DDR2: variants seen among roughly 807,000 people sequenced by gnomAD.
DDR2 encodes the protein discoidin domain receptor tyrosine kinase 2, also known as discoidin domain-containing receptor 2.
In DDR2, 27 loss-of-function variants were observed where a neutral mutation model predicts 94.9. The ratio of observed to expected loss-of-function variants is 0.28; its 90% CI spans 0.21 to 0.39. The LOEUF (loss-of-function observed/expected upper bound fraction) is 0.39, where lower values mean the gene tolerates loss of function less well. DDR2 is among the 10% of genes least tolerant of loss of function. DDR2 has a pLI of 1.00. For synonymous variants in DDR2, 382 were observed against 377.2 expected (o/e 1.01, Z -0.15); for missense variants, 783 against 1,076.0 (o/e 0.73, Z 3.81).
At position 162,787,161 on chromosome 1, in the gene DDR2, G is replaced by C. The variant is rs1171305938; in HGVS notation, c.*6915G>C. 1 of 152,070 alleles carries C rather than the reference G, an allele frequency of 6.6e-6. No homozygotes were observed. Among genetic ancestry groups the C allele is most frequent in the African/African-American group, 2.4e-5 (1 of 41,390 alleles). The allele number at this position is 152,070 out of a possible 1,614,324, so 9.4% of individuals were successfully genotyped here. On this transcript the variant is annotated 3_prime_UTR_variant, in exon 18 of 18. Coordinates refer to ENST00000367921, the MANE Select transcript of DDR2 (RefSeq NM_006182.4). ...AGCACATTTTTCAGCATGGGGTATG[G>C]TAGATAAATCACAGGGCCAAGGTTT...
rs1377832377 is a variant in DDR2, at chr1:162,775,808, C to A, written c.2013C>A (p.Pro671=). 6.2e-7 allele frequency: 1 copy of A among 1,614,064 alleles called. No homozygotes were observed. Among genetic ancestry groups the A allele is most frequent in the Non-Finnish European group, 8.5e-7 (1 of 1,179,986 alleles). ...DLNQFLSRHE[P]PNSSSSDVRT... ...ATCAGTTTCTTTCCCGCCACGAGCC[C>A]CCTAATTCTTCCTCCAGCGATGTAC... is the stretch of plus-strand genomic sequence containing the variant. Residue 671 remains proline, a synonymous_variant, in exon 15 of 18, where the codon CCC becomes CCA. Transcript: ENST00000367921.
At chr1:162,691,802 C>T (rs1659972891) in intron 2 of DDR2, among the ~76,000 whole-genome samples, 1 of 152,204 alleles carries the variant, frequency 6.6e-6, no homozygotes, top group African/African-American at 2.4e-5. Flanking sequence ...CCAATATCTA[C>T]TTTTGAAGTT....
At chr1:162,705,741 T>G (rs1660631985) in intron 2 of DDR2, among the ~76,000 whole-genome samples, 1 of 152,196 alleles carries the variant, frequency 6.6e-6, no homozygotes, top group Non-Finnish European at 1.5e-5. Flanking sequence ...GGACTAGAAC[T>G]CAGGCCCAGA....
chr1:162,638,307 C>T (rs1371760723), intron 1 of DDR2, among the ~76,000 whole-genome samples: 1 of 152,234 alleles, frequency 6.6e-6, no homozygotes, highest in Non-Finnish European at 1.5e-5. Flanking sequence ...AGGCATGAGC[C>T]ACTGCGCCCG....
intron 2 of DDR2, among the ~76,000 whole-genome samples, chr1:162,668,227 C>T (rs1658675449): frequency 6.6e-6 from 1 of 152,190 alleles, no homozygotes; most frequent in South Asian, 2.1e-4. Flanking sequence ...ATTGGAAAGC[C>T]ACTGGAAGTA....
rs547232876 is a variant in DDR2 at position 162,749,375 on chromosome 1, C to T, written c.83-3720C>T. Among the ~76,000 whole-genome samples the T allele has an allele frequency of 1.5e-3, 224 of 152,318 alleles. 1 individual carries two copies. Among genetic ancestry groups the T allele is most frequent in the African/African-American group, 5.2e-3 (215 of 41,562 alleles). ...AACTATCATCAGAGAATACTATAAA[C>T]ACCTCTATGCAAATAAACTAGAAAA... On this transcript the variant is annotated intron_variant, in intron 3 of 17. Transcript: ENST00000367921.
intron 16 of DDR2, among the ~76,000 whole-genome samples, chr1:162,777,229 T>G (rs951663714): frequency 6.6e-6 from 1 of 152,160 alleles, no homozygotes; most frequent in Non-Finnish European, 1.5e-5. Context: ...TATACATATA[T>G]TTTTTCTATG....
At chr1:162,643,203 C>T (rs12140978) in intron 1 of DDR2, among the ~76,000 whole-genome samples, 6,519 of 152,138 alleles carry the variant, frequency 0.043, 204 homozygotes, top group South Asian at 0.12. Flanking sequence ...CCACCAGCGC[C>T]CCCCATGCTC....
At position 162,658,829 on chromosome 1, in the gene DDR2, A is replaced by AAATAAATAAAT. The variant is rs60623253; in HGVS notation, c.-28+3457_-28+3458insTAAATAAATAA. Among the ~76,000 whole-genome samples the AAATAAATAAAT allele has an allele frequency of 3.1e-3, 412 of 133,698 alleles. 4 individuals carry two copies. Among genetic ancestry groups the AAATAAATAAAT allele is most frequent in the South Asian group, 9.9e-3 (38 of 3,856 alleles). The allele number at this position is 133,698 out of a possible 152,430, so 87.7% of individuals were successfully genotyped here. ...GTGACAGAATGAGACCCTGTCTCAA[A>AAATAAATAAAT]AAATAAATAAATAAATAAATAAAAG... On this transcript the variant is annotated intron_variant, in intron 2 of 17. Coordinates refer to ENST00000367921, the MANE Select transcript of DDR2 (RefSeq NM_006182.4).
rs1416763611 is a variant in DDR2 at position 162,754,699 on chromosome 1, G to A, written c.261G>A (p.Leu87=). ...PVEPDDLKEF[L]QIDLHTLHFI... is the part of the protein sequence containing the mutation. ...AACCTGATGACCTGAAGGAGTTTCT[G>A]CAGATTGACTTGCACACCCTCCATT... Residue 87 remains leucine (L), a synonymous_variant, in exon 5 of 18, where the codon CTG becomes CTA. Coordinates refer to ENST00000367921, the MANE Select transcript of DDR2 (RefSeq NM_006182.4). 6.2e-7 allele frequency: 1 copy of A among 1,614,110 alleles called. No homozygotes were observed. Among genetic ancestry groups the A allele is most frequent in the Non-Finnish European group, 8.5e-7 (1 of 1,180,006 alleles).
At chr1:162,778,140 T>C (rs1480428707) in intron 16 of DDR2, 6 of 270,128 alleles carry the variant, frequency 2.2e-5, no homozygotes, top group Non-Finnish European at 3.6e-5. Flanking sequence ...TGTCACTTGT[T>C]AAAGTCTATC....
At chr1:162,649,556 A>T (rs1033199642) in intron 1 of DDR2, among the ~76,000 whole-genome samples, 1 of 152,226 alleles carries the variant, frequency 6.6e-6, no homozygotes, top group Non-Finnish European at 1.5e-5. Context: ...GTCTGTCTTC[A>T]TATTCAAAAA....
At chr1:162,631,753 G>GA (rs904032186), upstream of DDR2, among the ~76,000 whole-genome samples, 3 of 151,794 alleles carry the variant, frequency 2.0e-5, no homozygotes, top group Non-Finnish European at 4.4e-5. Context: ...ATAAAGGAGG[G>GA]AAAAAAAAGT....
intron 1 of DDR2, among the ~76,000 whole-genome samples, chr1:162,644,382 T>G (rs755014741): frequency 3.9e-5 from 6 of 152,168 alleles, no homozygotes; most frequent in Non-Finnish European, 7.3e-5. Flanking sequence ...TCAGAGCTAT[T>G]GAGGGAAGTA....
chr1:162,696,967 C>T (rs1347565199), intron 2 of DDR2, among the ~76,000 whole-genome samples: 6 of 152,104 alleles, frequency 3.9e-5, no homozygotes, highest in African/African-American at 1.4e-4. Flanking sequence ...TTCTATTATA[C>T]AAGAGATTCA....
At chr1:162,757,188 G>A (rs1663503493) in intron 7 of DDR2, among the ~76,000 whole-genome samples, 1 of 152,172 alleles carries the variant, frequency 6.6e-6, no homozygotes, top group African/African-American at 2.4e-5. Context: ...TTTGCTACAA[G>A]GCTTAAGGGA....
chr1:162,704,756 G>A (rs1036923127), intron 2 of DDR2, among the ~76,000 whole-genome samples: 9 of 152,148 alleles, frequency 5.9e-5, no homozygotes, highest in African/African-American at 1.9e-4. Flanking sequence ...CACATTGAGG[G>A]TTAGAATTTC....
chr1:162,756,813 C>A (rs187371602), intron 7 of DDR2, among the ~76,000 whole-genome samples: 1 of 152,134 alleles, frequency 6.6e-6, no homozygotes, highest in Non-Finnish European at 1.5e-5. Context: ...TTTGCTTAAA[C>A]GGTCTTGGCA....
Position 162,754,753 on chromosome 1 carries a change from C to T in DDR2, c.315C>T (p.Arg105=), listed in dbSNP as rs2102133820. ...TCACTCTGGTGGGGACCCAGGGGCG[C>T]CATGCAGGAGGTCATGGCATCGAGT... The part of the protein sequence containing the change: ...HFITLVGTQG[R]HAGGHGIEFA... Residue 105 remains arginine (R), a synonymous_variant, in exon 5 of 18, where the codon CGC becomes CGT. Transcript: ENST00000367921. 6.2e-7 allele frequency: 1 copy of T among 1,614,056 alleles called. No homozygotes were observed. The highest frequency in any genetic ancestry group is 8.5e-7 in the Non-Finnish European group (1 of 1,180,002).
Sources: gnomAD v4.1 joint callset for allele counts (sites outside exome capture counted in the v4.1 genomes callset) on GRCh38, gnomAD v4.1.1 for gene constraint, MANE v1.5 for transcripts, NCBI Gene and HGNC (gene_info 2026-07-23, HGNC 2026-07-21) for gene names.